Variants in PPFIA1 observed in about 807,000 individuals in gnomAD.
The protein encoded by PPFIA1 is PPFI scaffold protein A1.
Under a neutral mutation model 149.9 loss-of-function variants are expected in PPFIA1, and 25 were observed. The observed-to-expected ratio is 0.17, with a 90% confidence interval of 0.12 to 0.23. PPFIA1 has a LOEUF of 0.23. Ranked by LOEUF, PPFIA1 falls within the 10% of genes least tolerant of loss-of-function variation. PPFIA1 has a pLI of 1.00. For missense variants in PPFIA1, 1,362 were observed against 1,506.5 expected (o/e 0.90, Z 1.59); for synonymous variants, 549 against 552.8 (o/e 0.99, Z 0.10).
At chr11:70,349,368 G>A (rs191164144) in intron 16 of PPFIA1, among the ~76,000 whole-genome samples, 276 of 152,086 alleles carry the variant, frequency 1.8e-3, no homozygotes, top group Non-Finnish European at 1.9e-3. Flanking sequence ...GGTATTTCAC[G>A]CCTGTAATCC....
At chr11:70,375,181 TAAAA>T (rs372735947) in intron 24 of PPFIA1, 88 bp downstream of exon 24, 5 of 141,568 alleles carry the variant, frequency 3.5e-5, no homozygotes, top group Non-Finnish European at 4.3e-5. Context: ...AAAGAAACTT[TAAAA>T]AAAAAAAAAA....
intron 2 of PPFIA1, among the ~76,000 whole-genome samples, chr11:70,301,010 C>G (rs1193923579): frequency 1.3e-5 from 2 of 152,196 alleles, no homozygotes; most frequent in African/African-American, 4.8e-5. Flanking sequence ...TTCATTTTTA[C>G]TAACTGCTGC....
At chr11:70,300,465 G>A (rs997104558) in intron 2 of PPFIA1, among the ~76,000 whole-genome samples, 2 of 151,814 alleles carry the variant, frequency 1.3e-5, no homozygotes, top group African/African-American at 2.4e-5. Flanking sequence ...CGTCTCCTGG[G>A]TTCAAGCACT....
At chr11:70,336,490 A>G (rs986047983) in intron 11 of PPFIA1, among the ~76,000 whole-genome samples, 14 of 146,666 alleles carry the variant, frequency 9.5e-5, no homozygotes, top group Admixed American at 1.4e-4. Context: ...TGTGTGACAG[A>G]GCAAGATCCT....
intron 19 of PPFIA1, 92 bp from the exon 20 acceptor site, chr11:70,362,003 C>G: frequency 8.4e-7 from 1 of 1,188,196 alleles, no homozygotes; most frequent in Non-Finnish European, 1.2e-6. Flanking sequence ...TCAAGTGGTC[C>G]TCCTGCCTTG....
chr11:70,371,228 T>G (rs1443711211), intron 21 of PPFIA1: 3 of 94,618 alleles, frequency 3.2e-5, no homozygotes, highest in Non-Finnish European at 7.0e-5. Flanking sequence ...TTCTAATTTC[T>G]GTTGAAGTCA....
chr11:70,288,401 C>T (rs1250980429), intron 2 of PPFIA1, among the ~76,000 whole-genome samples: 2 of 152,162 alleles, frequency 1.3e-5, no homozygotes, highest in Non-Finnish European at 2.9e-5. Context: ...CTTCGAGGCT[C>T]ACAATTCCCA....
chr11:70,279,155 G>A (rs1049138238), intron 2 of PPFIA1: 7 of 539,298 alleles, frequency 1.3e-5, no homozygotes, highest in African/African-American at 3.9e-5. Flanking sequence ...CGGCAGTCGC[G>A]CCCACACGTC....
At chr11:70,373,281 G>A (rs2057351371) in intron 23 of PPFIA1, 2 of 152,436 alleles carry the variant, frequency 1.3e-5, no homozygotes, top group Non-Finnish European at 2.9e-5. Context: ...AGGCTGGAGT[G>A]CAGTGGTGTG....
chr11:70,303,136 G>A (rs964147206), intron 2 of PPFIA1, among the ~76,000 whole-genome samples: 1 of 152,130 alleles, frequency 6.6e-6, no homozygotes, highest in Non-Finnish European at 1.5e-5. Context: ...ACTGGCCAGC[G>A]TTCTCAGTTG....
chr11:70,302,515 C>T (rs2052554409), intron 2 of PPFIA1, among the ~76,000 whole-genome samples: 1 of 152,182 alleles, frequency 6.6e-6, no homozygotes, highest in African/African-American at 2.4e-5. Flanking sequence ...GCACTTGAGA[C>T]GCTTCCTTGG....
intron 2 of PPFIA1, among the ~76,000 whole-genome samples, chr11:70,275,435 A>G (rs2050326141): frequency 6.6e-6 from 1 of 152,146 alleles, no homozygotes; most frequent in Non-Finnish European, 1.5e-5. Context: ...AAAATTTTTA[A>G]TGTAGCCCAG....
chr11:70,301,793 G>A (rs147851767), intron 2 of PPFIA1, among the ~76,000 whole-genome samples: 1 of 152,192 alleles, frequency 6.6e-6, no homozygotes, highest in Non-Finnish European at 1.5e-5. Flanking sequence ...ATGCCTTCTT[G>A]TTAAAGTAGA....
chr11:70,343,813 T>C lies in PPFIA1; in HGVS notation c.1852T>C (p.Ser618Pro). The C allele has an allele frequency of 6.2e-7, 1 of 1,614,200 alleles. No individual in the cohort carries two copies. Among genetic ancestry groups the C allele is most frequent in the Non-Finnish European group, 8.5e-7 (1 of 1,180,042 alleles). ...DTLLSSVDLLSPSGQADAHTL... is the reference protein window; with the variant it reads ...DTLLSSVDLLPPSGQADAHTL... ...TCTCCTCAGCTCAGTTGACCTGCTA[T>C]CGCCCAGCGGGCAGGCCGACGCGCA... The change falls in exon 15 of 28, where the codon TCG (serine) becomes CCG (proline). Residue 618 changes from serine (S) to proline (P), a missense_variant. Transcript: ENST00000253925.
At chr11:70,356,787 G>A (rs2056383272) in intron 19 of PPFIA1, among the ~76,000 whole-genome samples, 1 of 152,222 alleles carries the variant, frequency 6.6e-6, no homozygotes. Flanking sequence ...TGGTCTGTCC[G>A]AAACAGTCGC....
At chr11:70,358,168 T>A (rs1373480769) in intron 19 of PPFIA1, 1 of 152,238 alleles carries the variant, frequency 6.6e-6, no homozygotes, top group Non-Finnish European at 1.5e-5. Flanking sequence ...GAGGGCAGTT[T>A]CGTTTCTTTC....
chr11:70,376,057 T>G (rs577753448), intron 24 of PPFIA1, among the ~76,000 whole-genome samples: 6 of 152,016 alleles, frequency 3.9e-5, no homozygotes, highest in Non-Finnish European at 8.8e-5. Flanking sequence ...GGTGCAATCT[T>G]GGCTCACTGC....
In PPFIA1 at chr11:70,356,183, C is replaced by T. The variant is rs772180520; in HGVS notation, c.2511C>T (p.Asn837=). The change falls in exon 19 of 28, where the codon AAC becomes AAT. Residue 837 remains asparagine, a synonymous_variant. Coordinates refer to ENST00000253925, the MANE Select transcript of PPFIA1 (RefSeq NM_003626.5). ...LGQAGVSETD[N]SSQDALGLSK... ...CAGCTGGTGTTTCCGAGACGGATAACTCATCTCAGGATGCCTTGGGACTTA... is the reference window on the plus strand; with the variant it reads ...CAGCTGGTGTTTCCGAGACGGATAATTCATCTCAGGATGCCTTGGGACTTA... 6.2e-7 allele frequency: 1 copy of T among 1,614,018 alleles called. No individual in the cohort carries two copies. The highest frequency in any genetic ancestry group is 2.2e-5 in the East Asian group (1 of 44,874).
chr11:70,374,848 C>A, intron 23 of PPFIA1, 70 bp from the exon 24 acceptor site: 7 of 1,380,314 alleles, frequency 5.1e-6, no homozygotes, highest in Non-Finnish European at 7.1e-6. Flanking sequence ...CTTTCTCCTG[C>A]ATTACAGGGT....
Sources: allele counts gnomAD v4.1 joint callset (sites outside exome capture counted in the v4.1 genomes callset), GRCh38; gene constraint gnomAD v4.1.1; transcripts MANE v1.5; gene names NCBI Gene and HGNC (gene_info 2026-07-23, HGNC 2026-07-21).